HDLBP: variants seen among roughly 807,000 people sequenced by gnomAD.
HDLBP encodes vigilin.
Under a neutral mutation model 137.3 loss-of-function variants are expected in HDLBP, and 30 were observed. That is an observed-to-expected ratio of 0.22 (90% CI 0.16 to 0.30). The LOEUF is 0.30. Ranked by LOEUF, HDLBP falls within the 10% of genes least tolerant of loss-of-function variation. The pLI is 1.00. For synonymous variants in HDLBP, 606 were observed against 596.0 expected (o/e 1.02, Z -0.24); for missense variants, 1,119 against 1,667.3 (o/e 0.67, Z 5.73).
At chr2:241,294,642 A>G (rs2075116324) in intron 1 of HDLBP, among the ~76,000 whole-genome samples, 1 of 152,052 alleles carries the variant, frequency 6.6e-6, no homozygotes, top group Non-Finnish European at 1.5e-5. Flanking sequence ...TCTCCAAGAG[A>G]CAGGTCCTGC....
At chr2:241,267,750 A>G in intron 2 of HDLBP, 3 of 1,528,382 alleles carry the variant, frequency 2.0e-6, no homozygotes, top group Non-Finnish European at 2.6e-6. Context: ...TTGTAGCAAC[A>G]GTAACAGACC....
At chr2:241,283,696 G>A (rs936609132) in intron 1 of HDLBP, among the ~76,000 whole-genome samples, 1 of 152,100 alleles carries the variant, frequency 6.6e-6, no homozygotes, top group Non-Finnish European at 1.5e-5. Context: ...GGATGGTCTC[G>A]ATCTCCTGAC....
chr2:241,311,545 T>C (rs1381536601), intron 1 of HDLBP, among the ~76,000 whole-genome samples: 1 of 152,216 alleles, frequency 6.6e-6, no homozygotes, highest in African/African-American at 2.4e-5. Context: ...GAGAGATTTA[T>C]TCAAGATAAA....
intron 13 of HDLBP, 58 bp from the exon 14 acceptor site, chr2:241,248,174 T>C (rs926889067): frequency 6.4e-7 from 1 of 1,551,432 alleles, no homozygotes; most frequent in African/African-American, 1.4e-5. Context: ...ATATCCCAAA[T>C]ATCAAATATT....
At chr2:241,274,867 C>A (rs1379147575) in intron 1 of HDLBP, among the ~76,000 whole-genome samples, 2 of 152,156 alleles carry the variant, frequency 1.3e-5, no homozygotes, top group Non-Finnish European at 1.5e-5. Flanking sequence ...TTTGAGTTTT[C>A]AGCCCTCAAA....
chr2:241,247,087 A>C lies in HDLBP; in HGVS notation c.1787T>G (p.Ile596Ser). 6.2e-7 allele frequency: 1 copy of C among 1,613,586 alleles called. No homozygotes were observed. Among genetic ancestry groups the C allele is most frequent in the Non-Finnish European group, 8.5e-7 (1 of 1,179,486 alleles). Residue 596 changes from isoleucine to serine, a missense_variant, in exon 15 of 28, where the codon ATC becomes AGC. Around this residue, in one of 4 missense-constraint regions of HDLBP, gnomAD observed 425 missense variants for 693.9 expected, o/e 0.61. Coordinates refer to ENST00000310931, the MANE Select transcript of HDLBP (RefSeq NM_005336.6). Reference sequence around the variant, plus strand: ...AATGTTTGCGCCTCCTTTCCCAATGATATTCTTGTGAAACTGTTTGAAGAT... The same window carrying C: ...AATGTTTGCGCCTCCTTTCCCAATGCTATTCTTGTGAAACTGTTTGAAGAT... The part of the protein sequence containing the change: ...VPIFKQFHKN[I>S]IGKGGANIKK...
intron 3 of HDLBP, among the ~76,000 whole-genome samples, chr2:241,266,109 C>T (rs1435478095): frequency 6.6e-6 from 1 of 152,130 alleles, no homozygotes; most frequent in Non-Finnish European, 1.5e-5. Context: ...AACATCTAAA[C>T]ACAGATCAAG....
intron 5 of HDLBP, among the ~76,000 whole-genome samples, chr2:241,260,687 C>T (rs988743148): frequency 8.5e-5 from 13 of 152,182 alleles, no homozygotes; most frequent in East Asian, 1.9e-4. Context: ...AGACCCAGAC[C>T]TGAGCCTAAT....
rs752977176 is a variant in HDLBP, at chr2:241,229,674, C to T, written c.3734G>A (p.Ser1245Asn). The change falls in exon 28 of 28, where the codon AGC becomes AAC. Residue 1245 changes from serine (S) to asparagine (N), a missense_variant. Transcript: ENST00000310931. ...AAAGCTGGGAAATTCCTCAGAGCTG[C>T]TCATGTCAGGAGCCTGTGCAGAGAG... The part of the protein sequence containing the change: ...ASSSEKAPDM[S>N]SSEEFPSFGA... The T allele has an allele frequency of 6.2e-7, 1 of 1,614,174 alleles. No homozygotes were observed. Among genetic ancestry groups the T allele is most frequent in the Non-Finnish European group, 8.5e-7 (1 of 1,180,024 alleles).
At chr2:241,310,855 C>A (rs772542240) in intron 1 of HDLBP, among the ~76,000 whole-genome samples, 1 of 152,184 alleles carries the variant, frequency 6.6e-6, no homozygotes, top group Non-Finnish European at 1.5e-5. Context: ...GATGCAAAGC[C>A]TTCACTCCCA....
At chr2:241,298,195 T>A (rs2075258094) in intron 1 of HDLBP, among the ~76,000 whole-genome samples, 1 of 150,536 alleles carries the variant, frequency 6.6e-6, no homozygotes, top group Non-Finnish European at 1.5e-5. Flanking sequence ...TGAAACCCTG[T>A]CTCTACTAAA....
chr2:241,272,067 C>A lies in HDLBP; in HGVS notation c.-102-3526G>T. ...GGCCTCCCCGCCTTTCATCCAAATT[C>A]GGTACTTTTCCGTAATGTATTTTTC... On this transcript the variant is annotated intron_variant, in intron 1 of 27. Coordinates refer to ENST00000310931, the MANE Select transcript of HDLBP (RefSeq NM_005336.6). The surrounding 1 kb of genome is among the most constrained non-coding windows in gnomAD (Gnocchi z 5.6). The A allele has an allele frequency of 4.3e-6, 2 of 467,550 alleles. No homozygotes were observed. Among genetic ancestry groups the A allele is most frequent in the Non-Finnish European group, 5.6e-6 (2 of 356,378 alleles). The allele number at this position is 467,550 out of a possible 1,614,324, so 29.0% of individuals were successfully genotyped here. A position where few individuals can be genotyped will look rare whatever the true frequency, so the allele number is the denominator to read the frequency against.
intron 1 of HDLBP, among the ~76,000 whole-genome samples, chr2:241,271,314 C>G (rs534921903): frequency 6.6e-6 from 1 of 151,986 alleles, no homozygotes; most frequent in Non-Finnish European, 1.5e-5. Flanking sequence ...TGCAAACATC[C>G]AAAGCAAAAA....
rs547214016 is a variant in HDLBP, at chr2:241,239,540, C to CA, written c.2610+61dup. On this transcript the variant is annotated intron_variant, in intron 19 of 27. Coordinates refer to ENST00000310931, the MANE Select transcript of HDLBP (RefSeq NM_005336.6). This position sits in a 1 kb window ranked among gnomAD's most constrained non-coding sequence, Gnocchi z 4.6. Reference sequence around the variant, plus strand: ...CTACAGGGTGGAGCGAACACTCATACACGGCTTCGGTGAGTGGCCACTGGG... The same window carrying CA: ...CTACAGGGTGGAGCGAACACTCATACAACGGCTTCGGTGAGTGGCCACTGGG... 46 of 1,385,394 alleles carry CA rather than the reference C, an allele frequency of 3.3e-5. No homozygotes were observed. Among genetic ancestry groups the CA allele is most frequent in the Non-Finnish European group, 4.7e-5 (46 of 979,546 alleles). The allele number at this position is 1,385,394 out of a possible 1,614,324, so 85.8% of individuals were successfully genotyped here. A position where few individuals can be genotyped will look rare whatever the true frequency, so the allele number is the denominator to read the frequency against.
At chr2:241,285,485 C>T (rs540542730) in intron 1 of HDLBP, among the ~76,000 whole-genome samples, 6 of 152,270 alleles carry the variant, frequency 3.9e-5, no homozygotes, top group African/African-American at 1.4e-4. Context: ...AAGTCTCCAC[C>T]CCCACAGTAA....
intron 5 of HDLBP, among the ~76,000 whole-genome samples, chr2:241,258,464 C>T (rs775138461): frequency 3.3e-5 from 5 of 151,782 alleles, no homozygotes; most frequent in African/African-American, 9.7e-5. Context: ...GTTGAGGCTC[C>T]GGTGAGCCGT....
At chr2:241,257,993 C>T (rs959414513) in intron 5 of HDLBP, among the ~76,000 whole-genome samples, 3 of 152,204 alleles carry the variant, frequency 2.0e-5, no homozygotes, top group South Asian at 2.1e-4. Context: ...TGATGGCACG[C>T]CTGTAATCCC....
chr2:241,256,534 C>T, intron 6 of HDLBP, 66 bp downstream of exon 6: 4 of 1,563,244 alleles, frequency 2.6e-6, no homozygotes, highest in Non-Finnish European at 3.5e-6. Context: ...GACACGGCAA[C>T]CCATGAGGGA....
intron 1 of HDLBP, among the ~76,000 whole-genome samples, chr2:241,305,189 T>C (rs540786946): frequency 1.3e-5 from 2 of 152,318 alleles, no homozygotes; most frequent in African/African-American, 2.4e-5. Flanking sequence ...AGTGGCGCGA[T>C]CTTGGCTCAC....
Sources: allele counts gnomAD v4.1 joint callset (sites outside exome capture counted in the v4.1 genomes callset), GRCh38; gene constraint gnomAD v4.1.1; regional missense constraint gnomAD v4.1.1; non-coding constraint Gnocchi (gnomAD v3.1); transcripts MANE v1.5; gene names NCBI Gene and HGNC (gene_info 2026-07-23, HGNC 2026-07-21).